Variants in CCDC91 observed in about 807,000 individuals in gnomAD.
CCDC91 encodes the protein coiled-coil domain containing 91.
A neutral mutation model predicts 63.2 loss-of-function variants in CCDC91; 48 were observed. The observed-to-expected ratio is 0.76, with a 90% CI of 0.60 to 0.97. The LOEUF (loss-of-function observed/expected upper bound fraction) is 0.97, where lower values mean the gene tolerates loss of function less well. CCDC91 is among the 50% of genes least tolerant of loss of function. The pLI, the probability that CCDC91 is intolerant of heterozygous loss-of-function variation, is 0.00. For missense variants in CCDC91, 500 were observed against 494.6 expected, an observed-to-expected ratio of 1.01 and a Z score of -0.10; for synonymous variants, 167 against 165.8, an observed-to-expected ratio of 1.01 and a Z score of -0.06.
chr12:28,267,823 AT>A (rs1947352605), intron 3 of CCDC91, among the ~76,000 whole-genome samples: 7 of 17,968 alleles, frequency 3.9e-4, no homozygotes, highest in East Asian at 3.2e-3. Context: ...TAATTATATT[AT>A]TAATATATAA....
rs1442606683 is a variant in CCDC91 at position 28,538,889 on chromosome 12, G to A, written c.1216-10174G>A. Among the ~76,000 whole-genome samples the A allele has an allele frequency of 7.2e-5, 11 of 152,258 alleles. No individual in the cohort carries two copies. The South Asian group carries it at 1.9e-3, about 26-fold the overall frequency. On this transcript the variant is annotated intron_variant, in intron 12 of 12. Coordinates refer to ENST00000536442, the MANE Select transcript of CCDC91 (RefSeq NM_018318.5). ...TGAGCATATTTTCATGTGTCTTTTGGCTGCATAAATGTCTTCTTTTGAGAA... is the reference window on the plus strand; with the variant it reads ...TGAGCATATTTTCATGTGTCTTTTGACTGCATAAATGTCTTCTTTTGAGAA...
At chr12:28,235,482 G>A (rs1370813955) in intron 1 of CCDC91, among the ~76,000 whole-genome samples, 2 of 151,838 alleles carry the variant, frequency 1.3e-5, no homozygotes, top group Non-Finnish European at 1.5e-5. Context: ...AACTGACAAA[G>A]GATAGAATGC....
intron 1 of CCDC91, among the ~76,000 whole-genome samples, chr12:28,231,395 A>G (rs1214552435): frequency 6.6e-6 from 1 of 152,342 alleles, no homozygotes; most frequent in Admixed American, 6.5e-5. Context: ...TGGGACATCA[A>G]TAGCTGATTA....
At position 28,510,867 on chromosome 12, in the gene CCDC91, G is replaced by T. The variant is rs565207733; in HGVS notation, c.1215+26702G>T. 2.0e-5 allele frequency among the ~76,000 whole-genome samples: 3 copies of T among 151,814 alleles called. No homozygotes were observed. The East Asian group carries it at 5.8e-4, about 30-fold the overall frequency. ...GTTTTGGACATGGGCTGGGAAGAAA[G>T]TCTTAGCATGTTCAAAACAGAATTC... On this transcript the variant is annotated intron_variant, in intron 12 of 12. Coordinates refer to ENST00000536442, the MANE Select transcript of CCDC91 (RefSeq NM_018318.5).
chr12:28,308,961 T>C (rs1939031160), intron 6 of CCDC91, among the ~76,000 whole-genome samples: 2 of 152,040 alleles, frequency 1.3e-5, no homozygotes, highest in South Asian at 4.2e-4. Flanking sequence ...CTATTTTCAT[T>C]CCAATATACA....
At chr12:28,407,334 A>T (rs774756313) in intron 8 of CCDC91, among the ~76,000 whole-genome samples, 2 of 152,188 alleles carry the variant, frequency 1.3e-5, no homozygotes, top group African/African-American at 4.8e-5. Flanking sequence ...TCAATCGACC[A>T]TATATATGTG....
At chr12:28,370,579 T>G (rs1423989027) in intron 7 of CCDC91, among the ~76,000 whole-genome samples, 1 of 152,222 alleles carries the variant, frequency 6.6e-6, no homozygotes, top group African/African-American at 2.4e-5. Context: ...CCTTCATCTT[T>G]TACCCAGTTC....
At chr12:28,251,450 G>A (rs560601704) in intron 1 of CCDC91, among the ~76,000 whole-genome samples, 1 of 152,082 alleles carries the variant, frequency 6.6e-6, no homozygotes, top group East Asian at 1.9e-4. Flanking sequence ...AAGCATTTAT[G>A]TCTTTTATGG....
At chr12:28,315,260 G>A (rs1939735996) in intron 6 of CCDC91, among the ~76,000 whole-genome samples, 1 of 151,616 alleles carries the variant, frequency 6.6e-6, no homozygotes, top group Non-Finnish European at 1.5e-5. Context: ...CACCTCCCTG[G>A]GTTCAAGCGA....
chr12:28,424,798 G>C (rs1251842229), intron 8 of CCDC91, among the ~76,000 whole-genome samples: 1 of 151,926 alleles, frequency 6.6e-6, no homozygotes, highest in Admixed American at 6.6e-5. Flanking sequence ...GGTTTGTACT[G>C]TTTTCTTTAA....
chr12:28,293,316 A>G (rs1323292969), intron 3 of CCDC91, among the ~76,000 whole-genome samples: 1 of 152,216 alleles, frequency 6.6e-6, no homozygotes, highest in Non-Finnish European at 1.5e-5. Context: ...GTTCAAAGAA[A>G]GAGAAGAAAG....
At position 28,306,929 on chromosome 12, in the gene CCDC91, A is replaced by C; in HGVS notation, c.455A>C (p.Lys152Thr). ...EIKLKVSEEE[K>T]QRIKQDVESL... ...AAACTCAAAGTATCTGAAGAAGAAA[A>C]ACAGAGAATTAAACAGGTATATTTA... The change falls in exon 5 of 13, where the codon AAA becomes ACA. Residue 152 changes from lysine to threonine, a missense_variant. Transcript: ENST00000536442. 1 of 1,604,662 alleles carries C rather than the reference A, an allele frequency of 6.2e-7. No individual in the cohort carries two copies. Among genetic ancestry groups the C allele is most frequent in the South Asian group, 1.1e-5 (1 of 90,596 alleles).
chr12:28,436,066 T>C (rs1309773717), intron 8 of CCDC91, among the ~76,000 whole-genome samples: 1 of 151,888 alleles, frequency 6.6e-6, no homozygotes, highest in African/African-American at 2.4e-5. Flanking sequence ...TTTTAATTGT[T>C]GTATTTAGAT....
At chr12:28,191,932 G>A (rs1941290007) in intron 1 of CCDC91, among the ~76,000 whole-genome samples, 1 of 152,080 alleles carries the variant, frequency 6.6e-6, no homozygotes, top group Non-Finnish European at 1.5e-5. Flanking sequence ...TCTGTGGGCT[G>A]GGAAATCTTA....
intron 4 of CCDC91, among the ~76,000 whole-genome samples, chr12:28,306,307 GT>G (rs1401152781): frequency 6.6e-6 from 1 of 152,000 alleles, no homozygotes; most frequent in Non-Finnish European, 1.5e-5. Context: ...ACAATTTTGA[GT>G]CACCTGTTAA....
chr12:28,202,539 G>A (rs919863523), intron 1 of CCDC91, among the ~76,000 whole-genome samples: 3 of 152,196 alleles, frequency 2.0e-5, no homozygotes, highest in African/African-American at 7.2e-5. Context: ...GACAGCGAAT[G>A]ATTGGACAGT....
chr12:28,468,303 A>G (rs1322065747), intron 11 of CCDC91, among the ~76,000 whole-genome samples: 3 of 151,770 alleles, frequency 2.0e-5, no homozygotes, highest in East Asian at 1.9e-4. Context: ...CCTACTGGCT[A>G]CTAGGAGCAA....
intron 7 of CCDC91, among the ~76,000 whole-genome samples, chr12:28,363,553 T>G (rs1944044129): frequency 6.6e-6 from 1 of 152,172 alleles, no homozygotes; most frequent in Admixed American, 6.5e-5. Context: ...TAGAAGTTAA[T>G]GTCATTTTAG....
intron 3 of CCDC91, among the ~76,000 whole-genome samples, chr12:28,274,054 C>A (rs1002130982): frequency 1.1e-4 from 16 of 152,292 alleles, no homozygotes; most frequent in African/African-American, 3.4e-4. Flanking sequence ...CAGCTTTCTG[C>A]ATATGGCTAG....
Sources: gnomAD v4.1 joint callset for allele counts (sites outside exome capture counted in the v4.1 genomes callset) on GRCh38, gnomAD v4.1.1 for gene constraint, MANE v1.5 for transcripts, NCBI Gene and HGNC (gene_info 2026-07-23, HGNC 2026-07-21) for gene names.